The following C8orf34 variants were observed in gnomAD, a reference collection of about 807,000 sequenced individuals.
The protein encoded by C8orf34 is uncharacterized protein C8orf34.
In C8orf34, 65 loss-of-function variants were observed where a neutral mutation model predicts 68.3. That is an observed-to-expected ratio of 0.95 (90% CI 0.78 to 1.17). The LOEUF is 1.17. Among genes scored for constraint, C8orf34 ranks in the 50% most tolerant of loss-of-function variants. The probability of loss-of-function intolerance (pLI) is 0.00; values close to 1 mark genes in which losing one functional copy is unlikely to be tolerated. For synonymous variants in C8orf34, 244 were observed against 241.2 expected (o/e 1.01, Z -0.11); for missense variants, 664 against 655.4 (o/e 1.01, Z -0.14).
chr8:68,537,410 G>A (rs2129888206), intron 7 of C8orf34, among the ~76,000 whole-genome samples: 1 of 151,296 alleles, frequency 6.6e-6, no homozygotes, highest in East Asian at 1.9e-4. Flanking sequence ...TAAAATGAAT[G>A]TTCTTCATAA....
At chr8:68,525,561 T>C in intron 6 of C8orf34, 1 of 913,366 alleles carries the variant, frequency 1.1e-6, no homozygotes, top group Non-Finnish European at 1.8e-6. Context: ...TGTCTTCGTC[T>C]TACTTCTTTG....
chr8:68,522,451 G>C (rs1457778896), intron 6 of C8orf34, among the ~76,000 whole-genome samples: 1 of 152,064 alleles, frequency 6.6e-6, no homozygotes, highest in South Asian at 2.1e-4. Flanking sequence ...GTTTAGAGTT[G>C]ATAACTATGA....
intron 8 of C8orf34, among the ~76,000 whole-genome samples, chr8:68,657,420 A>T (rs748561680): frequency 3.7e-4 from 57 of 152,258 alleles, no homozygotes; most frequent in Admixed American, 3.9e-4. Flanking sequence ...GTGAGGACAT[A>T]CAGAAGGCAC....
chr8:68,738,380 A>G (rs1024284578), intron 10 of C8orf34, among the ~76,000 whole-genome samples: 17 of 152,128 alleles, frequency 1.1e-4, no homozygotes, highest in Admixed American at 9.8e-4. Flanking sequence ...TAACCTTGCA[A>G]ATAGAACAAC....
At chr8:68,702,917 G>A (rs927451001) in intron 8 of C8orf34, among the ~76,000 whole-genome samples, 3 of 152,072 alleles carry the variant, frequency 2.0e-5, no homozygotes, top group African/African-American at 7.2e-5. Flanking sequence ...TTTTAGCCCA[G>A]TAATTGGCTG....
chr8:68,734,418 G>A (rs1177825220), intron 10 of C8orf34, among the ~76,000 whole-genome samples: 1 of 152,176 alleles, frequency 6.6e-6, no homozygotes, highest in African/African-American at 2.4e-5. Flanking sequence ...GGCCAAGTCA[G>A]TGATCAACGT....
intron 1 of C8orf34, among the ~76,000 whole-genome samples, chr8:68,346,248 A>G (rs1806277166): frequency 6.7e-6 from 1 of 150,336 alleles, no homozygotes; most frequent in Non-Finnish European, 1.5e-5. Flanking sequence ...AAATAAACAT[A>G]TTTTAATAAT....
chr8:68,439,351 G>A (rs184740450), intron 1 of C8orf34, 148 bp from the exon 2 acceptor site: 86 of 616,678 alleles, frequency 1.4e-4, no homozygotes, highest in Admixed American at 1.1e-3. Flanking sequence ...ACTTGTAGCC[G>A]TCTGAAAAGA....
At chr8:68,511,819 A>T (rs906513973) in intron 5 of C8orf34, among the ~76,000 whole-genome samples, 21 of 152,200 alleles carry the variant, frequency 1.4e-4, no homozygotes, top group Non-Finnish European at 2.8e-4. Context: ...TTACTCAATT[A>T]TTAAAGGCTG....
chr8:68,467,176 C>T (rs888496446), intron 3 of C8orf34, among the ~76,000 whole-genome samples: 1 of 151,988 alleles, frequency 6.6e-6, no homozygotes, highest in Non-Finnish European at 1.5e-5. Flanking sequence ...ACCCCCATCT[C>T]ATCCTGGCCC....
At chr8:68,680,876 G>T (rs1026450014) in intron 8 of C8orf34, among the ~76,000 whole-genome samples, 2 of 152,044 alleles carry the variant, frequency 1.3e-5, no homozygotes, top group South Asian at 4.2e-4. Flanking sequence ...AGACCAGGGC[G>T]TATCTCAGTC....
At chr8:68,388,966 T>C (rs1295849044) in intron 1 of C8orf34, among the ~76,000 whole-genome samples, 1 of 152,160 alleles carries the variant, frequency 6.6e-6, no homozygotes, top group Non-Finnish European at 1.5e-5. Flanking sequence ...CACATAACTG[T>C]ACTGCAACTC....
chr8:68,485,312 A>G (rs369395648), intron 4 of C8orf34, among the ~76,000 whole-genome samples: 167 of 152,328 alleles, frequency 1.1e-3, no homozygotes, highest in African/African-American at 3.8e-3. Flanking sequence ...GGATTCATAA[A>G]TATGAGGCCT....
At chr8:68,348,627 C>T (rs1806380961) in intron 1 of C8orf34, among the ~76,000 whole-genome samples, 1 of 151,970 alleles carries the variant, frequency 6.6e-6, no homozygotes, top group Non-Finnish European at 1.5e-5. Flanking sequence ...TTTGTGTCTT[C>T]TCTGATTTCT....
At chr8:68,418,046 C>T (rs534892153) in intron 1 of C8orf34, among the ~76,000 whole-genome samples, 16 of 148,502 alleles carry the variant, frequency 1.1e-4, no homozygotes, top group Admixed American at 1.0e-3. Flanking sequence ...ATTTTATTCT[C>T]TTTGAAGCAA....
intron 7 of C8orf34, among the ~76,000 whole-genome samples, chr8:68,584,746 T>G (rs1204454620): frequency 6.6e-6 from 1 of 152,182 alleles, no homozygotes; most frequent in Non-Finnish European, 1.5e-5. Context: ...GGTCTTGGTT[T>G]TCTTTATTTT....
intron 5 of C8orf34, among the ~76,000 whole-genome samples, chr8:68,517,753 AT>A (rs1563501190): frequency 6.6e-6 from 1 of 152,008 alleles, no homozygotes; most frequent in Admixed American, 6.6e-5. Context: ...AAACTCATCT[AT>A]TTCTGTTGTT....
intron 10 of C8orf34, among the ~76,000 whole-genome samples, chr8:68,748,634 A>T (rs1822591106): frequency 6.6e-6 from 1 of 152,316 alleles, no homozygotes; most frequent in South Asian, 2.1e-4. Context: ...ACACATGAAA[A>T]AATGCTCACC....
intron 10 of C8orf34, among the ~76,000 whole-genome samples, chr8:68,769,106 A>G (rs1823267452): frequency 6.6e-6 from 1 of 152,006 alleles, no homozygotes; most frequent in South Asian, 2.1e-4. Flanking sequence ...TCAGGCATGC[A>G]GTGCAATGTG....
Sources: allele counts gnomAD v4.1 joint callset (sites outside exome capture counted in the v4.1 genomes callset), GRCh38; gene constraint gnomAD v4.1.1; transcripts MANE v1.5; gene names NCBI Gene and HGNC (gene_info 2026-07-23, HGNC 2026-07-21).